DIP2C: variants seen among roughly 807,000 people sequenced by gnomAD.
DIP2C encodes DIP2 acetate--CoA ligase C (putative).
A neutral mutation model predicts 192.4 loss-of-function variants in DIP2C; 33 were observed. The observed-to-expected ratio is 0.17, with a 90% CI of 0.13 to 0.23. DIP2C has a LOEUF of 0.23. DIP2C is among the 10% of genes least tolerant of loss of function. The probability of loss-of-function intolerance (pLI) is 1.00; values close to 1 mark genes in which losing one functional copy is unlikely to be tolerated. For synonymous variants in DIP2C, 979 were observed against 864.1 expected (o/e 1.13, Z -2.33); for missense variants, 1,537 against 2,110.1 (o/e 0.73, Z 5.32).
At chr10:545,401 C>T (rs1848232753) in intron 1 of DIP2C, among the ~76,000 whole-genome samples, 1 of 152,048 alleles carries the variant, frequency 6.6e-6, no homozygotes, top group South Asian at 2.1e-4. Context: ...GGTGATCCAC[C>T]CACCTCGGCC....
chr10:311,177 G>T (rs1956550009), intron 31 of DIP2C, among the ~76,000 whole-genome samples: 2 of 152,104 alleles, frequency 1.3e-5, no homozygotes, highest in African/African-American at 4.8e-5. Context: ...CGGCTGCTCA[G>T]CAAAGCCGCC....
intron 1 of DIP2C, among the ~76,000 whole-genome samples, chr10:590,465 C>T (rs1163098964): frequency 1.3e-5 from 2 of 152,234 alleles, no homozygotes; most frequent in Non-Finnish European, 2.9e-5. Flanking sequence ...CCACGCCGAA[C>T]CTCAGTGAGG....
chr10:385,869 G>A (rs895326608), intron 14 of DIP2C, among the ~76,000 whole-genome samples: 1 of 152,140 alleles, frequency 6.6e-6, no homozygotes, highest in Non-Finnish European at 1.5e-5. Flanking sequence ...AAGCAAAAAA[G>A]CATGTGCCTT....
At chr10:352,886 C>A (rs954643775) in intron 24 of DIP2C, among the ~76,000 whole-genome samples, 1 of 152,140 alleles carries the variant, frequency 6.6e-6, no homozygotes, top group Non-Finnish European at 1.5e-5. Context: ...CCTAATGCAG[C>A]CTCTACCCCA....
chr10:308,864 C>G (rs1022257842), intron 32 of DIP2C, among the ~76,000 whole-genome samples: 2 of 152,198 alleles, frequency 1.3e-5, no homozygotes, highest in African/African-American at 4.8e-5. Context: ...CTGGCCCTGG[C>G]GTGTGAGCTC....
At position 601,499 on chromosome 10, in the gene DIP2C, C is replaced by T. The variant is rs1289778288; in HGVS notation, c.85+87995G>A. 3.3e-5 allele frequency among the ~76,000 whole-genome samples: 5 copies of T among 152,208 alleles called. No homozygotes were observed. In the East Asian group the frequency reaches 9.6e-4, roughly 29 times the overall value. Reference sequence around the variant, plus strand: ...GTTGGCTCACTCAATTTCAATTCTACCTGAAGCTGGGAAACTAAAAATGCA... The same window carrying T: ...GTTGGCTCACTCAATTTCAATTCTATCTGAAGCTGGGAAACTAAAAATGCA... On this transcript the variant is annotated intron_variant, in intron 1 of 36. Coordinates refer to ENST00000280886, the MANE Select transcript of DIP2C (RefSeq NM_014974.3).
chr10:463,109 A>C (rs959146526), intron 3 of DIP2C, among the ~76,000 whole-genome samples: 3 of 152,190 alleles, frequency 2.0e-5, no homozygotes, highest in Admixed American at 6.5e-5. Flanking sequence ...CTGGCACAAG[A>C]CAAGGATGCC....
At chr10:582,442 G>A (rs187501727) in intron 1 of DIP2C, among the ~76,000 whole-genome samples, 1 of 152,326 alleles carries the variant, frequency 6.6e-6, no homozygotes, top group East Asian at 1.9e-4. Flanking sequence ...AGTTAGCCAG[G>A]CATGCTGGTG....
intron 1 of DIP2C, among the ~76,000 whole-genome samples, chr10:556,192 A>C (rs1588454140): frequency 1.8e-5 from 1 of 56,992 alleles, no homozygotes; most frequent in Admixed American, 2.2e-4. Context: ...CCAGGACAGC[A>C]CCCACCCACC....
At chr10:596,430 A>T (rs910447224) in intron 1 of DIP2C, among the ~76,000 whole-genome samples, 4 of 122,120 alleles carry the variant, frequency 3.3e-5, no homozygotes, top group Non-Finnish European at 6.4e-5. Context: ...TGGGAGGGAG[A>T]GGTTGCAGTG....
At chr10:460,538 A>T (rs1969686890) in intron 3 of DIP2C, among the ~76,000 whole-genome samples, 3 of 152,230 alleles carry the variant, frequency 2.0e-5, no homozygotes, top group Non-Finnish European at 4.4e-5. Flanking sequence ...TTAATTATTA[A>T]CTAGGTCAAT....
chr10:639,009 A>C (rs963420301), intron 1 of DIP2C, among the ~76,000 whole-genome samples: 6 of 152,312 alleles, frequency 3.9e-5, no homozygotes, highest in Admixed American at 3.9e-4. Context: ...GCCCGCACAC[A>C]ATCCTGGACC....
intron 4 of DIP2C, chr10:430,439 C>CA (rs920634948): frequency 1.3e-5 from 2 of 152,244 alleles, no homozygotes; most frequent in African/African-American, 4.8e-5. Flanking sequence ...CTCCTGGACT[C>CA]AAGTGATCCT....
intron 9 of DIP2C, among the ~76,000 whole-genome samples, chr10:406,904 C>G (rs1222949098): frequency 6.6e-6 from 1 of 152,054 alleles, no homozygotes; most frequent in Non-Finnish European, 1.5e-5. Context: ...TCATCTGGCT[C>G]AACCAGTTCT....
intron 31 of DIP2C, among the ~76,000 whole-genome samples, chr10:321,279 C>T (rs1027115571): frequency 6.6e-6 from 1 of 152,240 alleles, no homozygotes; most frequent in Non-Finnish European, 1.5e-5. Flanking sequence ...TGCTCAGGAG[C>T]ACCGGTGAGG....
intron 1 of DIP2C, among the ~76,000 whole-genome samples, chr10:669,900 T>C (rs2132135306): frequency 6.6e-6 from 1 of 152,380 alleles, no homozygotes; most frequent in Admixed American, 6.5e-5. Flanking sequence ...ACTATCTTTG[T>C]TTTGGAATTT....
chr10:392,532 T>G (rs1963549312), intron 10 of DIP2C, among the ~76,000 whole-genome samples: 2 of 152,342 alleles, frequency 1.3e-5, no homozygotes, highest in Middle Eastern at 3.4e-3. Flanking sequence ...AAGGTGAGGC[T>G]GGGCCTGCTG....
rs1302589300 is a variant in DIP2C at position 341,137 on chromosome 10, T to C, written c.3584+62A>G. ...AGTGCTTAGGTTGCCTGGCTGGGTC[T>C]AAGGTCTGGAGAGGAAGGTGCATGA... On this transcript the variant is annotated intron_variant, in intron 29 of 36. Transcript: ENST00000280886. The C allele has an allele frequency of 1.2e-5, 20 of 1,609,118 alleles. 1 individual carries two copies. The Admixed American group carries it at 2.5e-4, about 20-fold the overall frequency.
At chr10:448,239 A>T (rs1968469511) in intron 3 of DIP2C, among the ~76,000 whole-genome samples, 1 of 128,824 alleles carries the variant, frequency 7.8e-6, no homozygotes. Flanking sequence ...TCAGGATCAC[A>T]CACAGTGGGG....
Sources: gnomAD v4.1 joint callset for allele counts (sites outside exome capture counted in the v4.1 genomes callset) on GRCh38, gnomAD v4.1.1 for gene constraint, MANE v1.5 for transcripts, NCBI Gene and HGNC (gene_info 2026-07-23, HGNC 2026-07-21) for gene names.